GPM6A: variants seen among roughly 807,000 people sequenced by gnomAD.
GPM6A encodes the protein neuronal membrane glycoprotein M6-a.
Under a neutral mutation model 32.1 loss-of-function variants are expected in GPM6A, and 7 were observed. The ratio of observed to expected loss-of-function variants is 0.22; its 90% CI spans 0.12 to 0.41. GPM6A has a LOEUF of 0.41. Ranked by LOEUF, GPM6A falls within the 10% of genes least tolerant of loss-of-function variation. The probability of loss-of-function intolerance (pLI) is 1.00; values close to 1 mark genes in which losing one functional copy is unlikely to be tolerated. For synonymous variants in GPM6A, 130 were observed against 123.4 expected (o/e 1.05, Z -0.35); for missense variants, 235 against 347.2 (o/e 0.68, Z 2.57).
At chr4:175,895,524 G>T (rs1052813272) in intron 1 of GPM6A, among the ~76,000 whole-genome samples, 1 of 151,924 alleles carries the variant, frequency 6.6e-6, no homozygotes, top group Non-Finnish European at 1.5e-5. Context: ...CACAGATGAG[G>T]AAAAATAATA....
intron 1 of GPM6A, chr4:175,891,419 AT>A (rs1737644853): frequency 6.6e-6 from 1 of 152,188 alleles, no homozygotes; most frequent in Non-Finnish European, 1.5e-5. Flanking sequence ...AACAGTAAAC[AT>A]TTTGGAGCAA....
intron 1 of GPM6A, among the ~76,000 whole-genome samples, chr4:175,861,060 A>C (rs1029201445): frequency 3.3e-5 from 5 of 152,300 alleles, no homozygotes; most frequent in Admixed American, 1.3e-4. Flanking sequence ...ATTTAGATCC[A>C]TGAAAATAAG....
At chr4:175,646,102 A>G (rs1254519824) in intron 4 of GPM6A, among the ~76,000 whole-genome samples, 1 of 152,156 alleles carries the variant, frequency 6.6e-6, no homozygotes, top group Non-Finnish European at 1.5e-5. Context: ...CACCTGGATA[A>G]TTCAGGCTCG....
At chr4:175,762,998 T>C (rs762546739) in intron 1 of GPM6A, among the ~76,000 whole-genome samples, 3 of 152,192 alleles carry the variant, frequency 2.0e-5, no homozygotes, top group Non-Finnish European at 4.4e-5. Context: ...ATTGTGGTAA[T>C]GGTTTCACAA....
At chr4:175,813,072 C>T, upstream of GPM6A, 2 of 984,162 alleles carry the variant, frequency 2.0e-6, no homozygotes, top group Non-Finnish European at 2.4e-6. Flanking sequence ...CCATATGACT[C>T]TTAAGTAAAA....
intron 1 of GPM6A, among the ~76,000 whole-genome samples, chr4:175,920,034 G>C (rs1303877657): frequency 6.6e-6 from 1 of 152,208 alleles, no homozygotes; most frequent in Non-Finnish European, 1.5e-5. Context: ...GCCATCTTTG[G>C]TCATAAAAGG....
chr4:175,719,984 T>C lies in GPM6A; in HGVS notation c.38-18217A>G, dbSNP rs189072917. Among the ~76,000 whole-genome samples the C allele has an allele frequency of 2.6e-3, 398 of 152,316 alleles. 6 individuals are homozygous for C. The highest frequency in any genetic ancestry group is 9.2e-3 in the African/African-American group (383 of 41,574). On this transcript the variant is annotated intron_variant, in intron 1 of 6. Coordinates refer to ENST00000393658, the MANE Select transcript of GPM6A (RefSeq NM_201591.3). Reference sequence around the variant, plus strand: ...ATTTTATTTGAACCAAGCATAAGCCTGTCATTTTGTTGCTTCTATTACAAT... The same window carrying C: ...ATTTTATTTGAACCAAGCATAAGCCCGTCATTTTGTTGCTTCTATTACAAT...
chr4:175,875,233 G>A (rs745691779), intron 1 of GPM6A, among the ~76,000 whole-genome samples: 12 of 152,172 alleles, frequency 7.9e-5, no homozygotes, highest in Admixed American at 2.0e-4. Flanking sequence ...CTGGCTTCTG[G>A]AGCTGGCTTT....
intron 1 of GPM6A, among the ~76,000 whole-genome samples, chr4:175,743,784 A>G (rs1176932339): frequency 6.6e-6 from 1 of 152,062 alleles, no homozygotes; most frequent in African/African-American, 2.4e-5. Flanking sequence ...AAAAATAAAG[A>G]AGGACATTTC....
At chr4:175,820,497 TTTC>T (rs1735240519) in intron 1 of GPM6A, among the ~76,000 whole-genome samples, 1 of 71,362 alleles carries the variant, frequency 1.4e-5, no homozygotes, top group Non-Finnish European at 3.0e-5. Flanking sequence ...TTTTCTTTTC[TTTC>T]TTTTTTTTTT....
In GPM6A at chr4:175,748,852, C is replaced by T. The variant is rs561531493; in HGVS notation, c.38-47085G>A. ...TTGAAAATCTCTTGTTTAGTGTAGCCACCTCCATCAATGTTCTTAGCTAGA... is the reference window on the plus strand; with the variant it reads ...TTGAAAATCTCTTGTTTAGTGTAGCTACCTCCATCAATGTTCTTAGCTAGA... On this transcript the variant is annotated intron_variant, in intron 1 of 6. Transcript: ENST00000393658. 4.6e-5 allele frequency among the ~76,000 whole-genome samples: 7 copies of T among 152,248 alleles called. No homozygotes were observed. The South Asian group carries it at 1.5e-3, about 32-fold the overall frequency.
Position 175,765,093 on chromosome 4 carries a change from C to T in GPM6A, c.37+47098G>A, listed in dbSNP as rs369408490. Among the ~76,000 whole-genome samples, 7 of 151,938 alleles carry T rather than the reference C, an allele frequency of 4.6e-5. No homozygotes were observed. The East Asian group carries it at 5.8e-4, about 13-fold the overall frequency. ...TTTTCTATGTTGGCCAGGCTGGTCT[C>T]GAACTCCTGACCTCAGGTGATCCAC... is the stretch of plus-strand genomic sequence containing the variant. On this transcript the variant is annotated intron_variant, in intron 1 of 6. Coordinates refer to ENST00000393658, the MANE Select transcript of GPM6A (RefSeq NM_201591.3).
At chr4:175,675,642 CTTAT>C (rs959800633) in intron 2 of GPM6A, among the ~76,000 whole-genome samples, 12 of 151,918 alleles carry the variant, frequency 7.9e-5, no homozygotes, top group African/African-American at 2.9e-4. Context: ...ATAATTTCCA[CTTAT>C]TTATTTATTT....
At chr4:175,822,167 A>G (rs573196444) in intron 1 of GPM6A, among the ~76,000 whole-genome samples, 7 of 152,262 alleles carry the variant, frequency 4.6e-5, no homozygotes, top group Middle Eastern at 3.4e-3. Context: ...TACAAATTGC[A>G]TCCATTTATA....
chr4:175,639,904 GA>G (rs1483078486), intron 6 of GPM6A, among the ~76,000 whole-genome samples: 1 of 151,872 alleles, frequency 6.6e-6, no homozygotes, highest in African/African-American at 2.4e-5. Flanking sequence ...AAATCCTAAT[GA>G]ATTACTATTT....
At chr4:175,681,369 T>G (rs1209254427) in intron 2 of GPM6A, among the ~76,000 whole-genome samples, 1 of 152,208 alleles carries the variant, frequency 6.6e-6, no homozygotes, top group Non-Finnish European at 1.5e-5. Flanking sequence ...TTTAATATGA[T>G]TATGGGCACT....
intron 1 of GPM6A, among the ~76,000 whole-genome samples, chr4:175,713,027 CA>C (rs567604228): frequency 7.8e-4 from 118 of 152,140 alleles, no homozygotes; most frequent in African/African-American, 2.4e-3. Flanking sequence ...CAAAATTATC[CA>C]AAGAATAGTA....
chr4:175,769,267 G>A (rs1733094579), intron 1 of GPM6A, among the ~76,000 whole-genome samples: 1 of 152,122 alleles, frequency 6.6e-6, no homozygotes, highest in Non-Finnish European at 1.5e-5. Flanking sequence ...CAAATGAGTA[G>A]CAATGTGAAT....
At chr4:175,932,060 A>C (rs1739064306) in intron 1 of GPM6A, among the ~76,000 whole-genome samples, 1 of 149,752 alleles carries the variant, frequency 6.7e-6, no homozygotes, top group African/African-American at 2.5e-5. Flanking sequence ...GTGCCACTGC[A>C]CTCCAGCCTG....
Sources: gnomAD v4.1 joint callset for allele counts (sites outside exome capture counted in the v4.1 genomes callset) on GRCh38, gnomAD v4.1.1 for gene constraint, MANE v1.5 for transcripts, NCBI Gene and HGNC (gene_info 2026-07-23, HGNC 2026-07-21) for gene names.